Variants in FADS2 observed in about 807,000 individuals in gnomAD.
FADS2 encodes the protein acyl-CoA 6-desaturase.
In FADS2, 18 loss-of-function variants were observed where a neutral mutation model predicts 61.2. The observed-to-expected ratio is 0.29, with a 90% CI of 0.20 to 0.44. The LOEUF (loss-of-function observed/expected upper bound fraction) is 0.44. Ranked by LOEUF, FADS2 falls within the 20% of genes least tolerant of loss-of-function variation. FADS2 has a pLI of 1.00. For synonymous variants in FADS2, 203 were observed against 223.9 expected (o/e 0.91, Z 0.83); for missense variants, 322 against 572.7 (o/e 0.56, Z 4.47).
chr11:61,857,425 G>A (rs1401501191), intron 6 of FADS2, 29 bp from the exon 7 acceptor site: 2 of 1,601,624 alleles, frequency 1.2e-6, no homozygotes, highest in Admixed American at 1.7e-5. Flanking sequence ...TGGAATGGAT[G>A]CCTCTAAGCG....
chr11:61,832,375 G>A (rs940954694), intron 1 of FADS2, among the ~76,000 whole-genome samples: 1 of 152,234 alleles, frequency 6.6e-6, no homozygotes, highest in African/African-American at 2.4e-5. Flanking sequence ...CAGGCCTGGA[G>A]GGCAGCTCCA....
chr11:61,860,226 C>G (rs1436034199), intron 7 of FADS2, among the ~76,000 whole-genome samples: 1 of 152,220 alleles, frequency 6.6e-6, no homozygotes, highest in East Asian at 1.9e-4. Context: ...GCTTAGCACC[C>G]TGCCATGCCC....
chr11:61,817,920 G>A (rs904572575), intron 1 of FADS2, among the ~76,000 whole-genome samples: 1 of 152,186 alleles, frequency 6.6e-6, no homozygotes, highest in Non-Finnish European at 1.5e-5. Context: ...AACCCTATGA[G>A]GTTGGAACAA....
upstream of FADS2, among the ~76,000 whole-genome samples, chr11:61,824,502 G>GAGAGAGA (rs140558358): frequency 5.5e-4 from 12 of 21,698 alleles, 3 homozygotes; most frequent in Non-Finnish European, 8.6e-4. Flanking sequence ...AAGAAAGAAA[G>GAGAGAGA]GAAAGAAAGA....
At chr11:61,847,342 C>T (rs1324936360) in intron 4 of FADS2, 3 of 152,148 alleles carry the variant, frequency 2.0e-5, no homozygotes, top group African/African-American at 7.2e-5. Flanking sequence ...TCAAAAGAAA[C>T]CCCACGTTTC....
chr11:61,859,790 GC>G (rs2067397530), intron 7 of FADS2, among the ~76,000 whole-genome samples: 2 of 152,182 alleles, frequency 1.3e-5, no homozygotes, highest in Admixed American at 6.5e-5. Flanking sequence ...TTCGAGACCA[GC>G]CTGGCCAGCA....
chr11:61,858,330 C>T (rs576829775), intron 7 of FADS2, among the ~76,000 whole-genome samples: 6 of 152,108 alleles, frequency 3.9e-5, no homozygotes, highest in African/African-American at 1.2e-4. Context: ...AGGCACCGGC[C>T]ACCATGCCCA....
chr11:61,849,952 G>C (rs185062187), intron 5 of FADS2, among the ~76,000 whole-genome samples: 1 of 151,952 alleles, frequency 6.6e-6, no homozygotes, highest in African/African-American at 2.4e-5. Context: ...AATCACTTGA[G>C]CCTGGGAGCC....
chr11:61,845,481 G>C (rs1160384518), intron 4 of FADS2, among the ~76,000 whole-genome samples: 1 of 152,152 alleles, frequency 6.6e-6, no homozygotes, highest in African/African-American at 2.4e-5. Flanking sequence ...GACAAGCAGG[G>C]CTTCACCTGG....
intron 1 of FADS2, among the ~76,000 whole-genome samples, chr11:61,822,918 A>G (rs2067045725): frequency 6.6e-6 from 1 of 152,216 alleles, no homozygotes; most frequent in Admixed American, 6.5e-5. Context: ...CTATTTCTGA[A>G]CATTTTCTTA....
chr11:61,824,502 G>GAAAAAGAAAGAAAGAAA (rs140558358), upstream of FADS2, among the ~76,000 whole-genome samples: 3 of 21,690 alleles, frequency 1.4e-4, 1 homozygote, highest in Admixed American at 6.5e-4. Context: ...AAGAAAGAAA[G>GAAAAAGAAAGAAAGAAA]GAAAGAAAGA....
intron 1 of FADS2, among the ~76,000 whole-genome samples, chr11:61,835,409 T>G (rs1314264505): frequency 1.3e-5 from 2 of 151,476 alleles, no homozygotes; most frequent in Non-Finnish European, 2.9e-5. Context: ...TTTTTTTTTT[T>G]TTTGAGATGG....
Position 61,828,304 on chromosome 11 carries a change from C to T in FADS2, c.-87C>T. ...GAAAGCGAAGAGGGCCCGGGCTGCA[C>T]ACACCGGCTGGGAGGCAGCCGTCTG... On this transcript the variant is annotated 5_prime_UTR_variant, in exon 1 of 12. Transcript: ENST00000278840. This position sits in a 1 kb window ranked among gnomAD's most constrained non-coding sequence, Gnocchi z 6.4. The T allele has an allele frequency of 6.6e-7, 1 of 1,514,516 alleles. No homozygotes were observed. The highest frequency in any genetic ancestry group is 2.5e-5 in the East Asian group (1 of 40,622). 93.8% of individuals were successfully genotyped at this position (1,514,516 alleles called of 1,614,324 possible).
Position 61,863,792 on chromosome 11 carries a change from C to G in FADS2, c.1157+6C>G. On this transcript the variant is annotated splice_donor_region_variant and intron_variant, in intron 10 of 11. Coordinates refer to ENST00000278840, the MANE Select transcript of FADS2 (RefSeq NM_004265.4). ...AACTTCCAGATTGAGCACCAGTGAGCGCGGGGCTGCGGGGAGGCGGGGAGA... is the reference window on the plus strand; with the variant it reads ...AACTTCCAGATTGAGCACCAGTGAGGGCGGGGCTGCGGGGAGGCGGGGAGA... 1.2e-6 allele frequency: 2 copies of G among 1,612,430 alleles called. No individual in the cohort carries two copies. Among genetic ancestry groups the G allele is most frequent in the Non-Finnish European group, 1.7e-6 (2 of 1,178,472 alleles).
At chr11:61,857,636 G>T in intron 7 of FADS2, 106 bp downstream of exon 7, 1 of 971,894 alleles carries the variant, frequency 1.0e-6, no homozygotes, top group South Asian at 1.3e-5. Context: ...GAGCCTGTGG[G>T]GCCCCAGGCA....
upstream of FADS2, among the ~76,000 whole-genome samples, chr11:61,824,481 AG>A (rs1351586859): frequency 0.033 from 276 of 8,264 alleles, 23 homozygotes; most frequent in South Asian, 0.17. Context: ...AGAGAGAGAG[AG>A]AGAGAGAGAA....
At chr11:61,830,508 A>G (rs1028704120) in intron 1 of FADS2, among the ~76,000 whole-genome samples, 10 of 151,832 alleles carry the variant, frequency 6.6e-5, no homozygotes, top group Non-Finnish European at 1.5e-5. Context: ...AGAATGACCT[A>G]CTCTTCCCTG....
Position 61,837,777 on chromosome 11 carries a change from G to A in FADS2, c.208-1G>A. On this transcript the variant is annotated splice_acceptor_variant, in intron 1 of 11. Coordinates refer to ENST00000278840, the MANE Select transcript of FADS2 (RefSeq NM_004265.4). LOFTEE classifies it high-confidence loss of function. The stretch of plus-strand genomic sequence containing the variant: ...CCTCATCACTGCCCTCTGCTCTCCA[G>A]GATGCCTTCCGCGCCTTCCACCCTG... The A allele has an allele frequency of 6.2e-7, 1 of 1,607,616 alleles. No homozygotes were observed. The highest frequency in any genetic ancestry group is 8.5e-7 in the Non-Finnish European group (1 of 1,176,534).
chr11:61,851,595 G>A (rs1032797188), intron 5 of FADS2, among the ~76,000 whole-genome samples: 1 of 152,238 alleles, frequency 6.6e-6, no homozygotes, highest in Non-Finnish European at 1.5e-5. Context: ...TGACTGAAGT[G>A]ACAGTGGGTC....
Sources: gnomAD v4.1 joint callset for allele counts (sites outside exome capture counted in the v4.1 genomes callset) on GRCh38, gnomAD v4.1.1 for gene constraint, Gnocchi (gnomAD v3.1) non-coding constraint, MANE v1.5 for transcripts, NCBI Gene and HGNC (gene_info 2026-07-23, HGNC 2026-07-21) for gene names.